Variants in SUSD6 observed in about 807,000 individuals in gnomAD.
SUSD6 encodes the protein sushi domain containing 6.
A neutral mutation model predicts 28.4 loss-of-function variants in SUSD6; 16 were observed. The observed-to-expected ratio is 0.56, with a 90% CI of 0.38 to 0.86. The LOEUF is 0.86. Ranked by LOEUF, SUSD6 falls within the 40% of genes least tolerant of loss-of-function variation. The pLI, the probability that SUSD6 is intolerant of heterozygous loss-of-function variation, is 0.00. For missense variants in SUSD6, 341 were observed against 384.2 expected (o/e 0.89, Z 0.94); for synonymous variants, 147 against 159.6 (o/e 0.92, Z 0.59).
chr14:69,670,624 G>A, intron 2 of SUSD6: 1 of 430,822 alleles, frequency 2.3e-6, no homozygotes, highest in South Asian at 1.6e-5. Context: ...GTAATTTTAA[G>A]CAAGTTTCTC....
At position 69,713,570 on chromosome 14, in the gene SUSD6, T is replaced by G. The variant is rs1467571293; in HGVS notation, c.*2591T>G. ...TCTAGGGCTTCTGGGCTTTGTCCCT[T>G]ACTGAGAGATTAGGGACTCCACAGC... On this transcript the variant is annotated 3_prime_UTR_variant, in exon 6 of 6. Coordinates refer to ENST00000342745, the MANE Select transcript of SUSD6 (RefSeq NM_014734.4). 6.6e-6 allele frequency: 1 copy of G among 152,272 alleles called. No individual in the cohort carries two copies. The highest frequency in any genetic ancestry group is 1.9e-4 in the East Asian group (1 of 5,206). 9.4% of individuals were successfully genotyped at this position (152,272 alleles called of 1,614,324 possible).
At chr14:69,642,034 G>A (rs1885360683) in intron 1 of SUSD6, among the ~76,000 whole-genome samples, 1 of 152,224 alleles carries the variant, frequency 6.6e-6, no homozygotes, top group Non-Finnish European at 1.5e-5. Flanking sequence ...GTCATTTCTT[G>A]ATCTGTTTCT....
At chr14:69,666,291 A>G (rs1216944866) in intron 2 of SUSD6, among the ~76,000 whole-genome samples, 1 of 152,174 alleles carries the variant, frequency 6.6e-6, no homozygotes, top group African/African-American at 2.4e-5. Flanking sequence ...AGATCAGCTA[A>G]GTGATCTCAC....
At position 69,712,563 on chromosome 14, in the gene SUSD6, G is replaced by C. The variant is rs1741381831; in HGVS notation, c.*1584G>C. ...CTCCCCTGAGCCTGTCTGCTTGGGG[G>C]TGGTAAAAATAAAAATCCCAGTTTA... On this transcript the variant is annotated 3_prime_UTR_variant, in exon 6 of 6. Transcript: ENST00000342745. 6.6e-6 allele frequency: 1 copy of C among 152,302 alleles called. No individual in the cohort carries two copies. The highest frequency in any genetic ancestry group is 2.1e-4 in the South Asian group (1 of 4,826). 9.4% of individuals were successfully genotyped at this position (152,302 alleles called of 1,614,324 possible).
intron 1 of SUSD6, among the ~76,000 whole-genome samples, chr14:69,638,097 CA>C (rs888751536): frequency 6.6e-6 from 1 of 151,902 alleles, no homozygotes; most frequent in Admixed American, 6.6e-5. Context: ...ACAGCAGCAG[CA>C]AAAAACAGAA....
At chr14:69,660,216 C>G (rs1453697928) in intron 2 of SUSD6, among the ~76,000 whole-genome samples, 1 of 152,174 alleles carries the variant, frequency 6.6e-6, no homozygotes, top group East Asian at 1.9e-4. Flanking sequence ...ACCCACTTAT[C>G]CAACATAAAC....
At chr14:69,650,941 G>C (rs1885495497) in intron 1 of SUSD6, among the ~76,000 whole-genome samples, 1 of 152,198 alleles carries the variant, frequency 6.6e-6, no homozygotes, top group Non-Finnish European at 1.5e-5. Flanking sequence ...AGATGTAGGG[G>C]AATGTGCTGC....
chr14:69,704,925 C>T lies in SUSD6; in HGVS notation c.458+183C>T, dbSNP rs111230810. Among the ~76,000 whole-genome samples, 278 of 152,284 alleles carry T rather than the reference C, an allele frequency of 1.8e-3. 2 individuals are homozygous for T. Among genetic ancestry groups the T allele is most frequent in the African/African-American group, 6.4e-3 (267 of 41,548 alleles). On this transcript the variant is annotated intron_variant, in intron 4 of 5. Coordinates refer to ENST00000342745, the MANE Select transcript of SUSD6 (RefSeq NM_014734.4). ...GCCTACCATTGTGCTTATTGCTTTG[C>T]ATACATTATCTTAATCCTCATAGGA...
chr14:69,696,906 AAG>A (rs1293765984), intron 2 of SUSD6, among the ~76,000 whole-genome samples: 1 of 152,242 alleles, frequency 6.6e-6, no homozygotes, highest in Non-Finnish European at 1.5e-5. Context: ...CAAGTTTATG[AAG>A]AGAGTAAAGG....
At chr14:69,693,504 G>A (rs1886181680) in intron 2 of SUSD6, among the ~76,000 whole-genome samples, 1 of 152,158 alleles carries the variant, frequency 6.6e-6, no homozygotes, top group South Asian at 2.1e-4. Flanking sequence ...TGCTTATCCT[G>A]CTCTGTTTTC....
At chr14:69,613,080 C>T (rs774724202) in intron 1 of SUSD6, among the ~76,000 whole-genome samples, 9 of 152,068 alleles carry the variant, frequency 5.9e-5, no homozygotes, top group Non-Finnish European at 1.3e-4. Flanking sequence ...TAAAATTTTC[C>T]TGGAGTTGGG....
At chr14:69,685,238 A>G (rs1886055579) in intron 2 of SUSD6, among the ~76,000 whole-genome samples, 1 of 152,232 alleles carries the variant, frequency 6.6e-6, no homozygotes, top group Non-Finnish European at 1.5e-5. Flanking sequence ...CAAATGGACT[A>G]GCCCTAAAGG....
intron 2 of SUSD6, among the ~76,000 whole-genome samples, chr14:69,689,872 G>A (rs1209355569): frequency 6.6e-6 from 1 of 152,154 alleles, no homozygotes; most frequent in African/African-American, 2.4e-5. Flanking sequence ...TACCATGTTG[G>A]CCAGGCTGAT....
At chr14:69,685,445 G>A (rs539700339) in intron 2 of SUSD6, among the ~76,000 whole-genome samples, 1 of 152,292 alleles carries the variant, frequency 6.6e-6, no homozygotes, top group South Asian at 2.1e-4. Context: ...ATAGAGTTCG[G>A]GGAAACCCAG....
In SUSD6 at chr14:69,613,557, C is replaced by G. The variant is rs146287587; in HGVS notation, c.-81+1729C>G. ...GTAGTTATGTGATACCGAATGTATG[C>G]CAGGCACTGTGCTAGGTATTGCAGG... On this transcript the variant is annotated intron_variant, in intron 1 of 5. Transcript: ENST00000342745. 7.3e-4 allele frequency among the ~76,000 whole-genome samples: 111 copies of G among 152,302 alleles called. 1 individual carries two copies. The South Asian group carries it at 0.015, about 21-fold the overall frequency.
At chr14:69,693,246 T>C (rs970931586) in intron 2 of SUSD6, among the ~76,000 whole-genome samples, 3 of 152,154 alleles carry the variant, frequency 2.0e-5, no homozygotes, top group Admixed American at 2.0e-4. Context: ...AGAATGGTCC[T>C]CTGGCCTGCC....
chr14:69,621,879 A>G (rs1043806761), intron 1 of SUSD6, among the ~76,000 whole-genome samples: 1 of 152,176 alleles, frequency 6.6e-6, no homozygotes, highest in Admixed American at 6.5e-5. Context: ...ACAAATGCTG[A>G]CATGCTTTTC....
chr14:69,661,490 C>T (rs1885659987), intron 2 of SUSD6, among the ~76,000 whole-genome samples: 1 of 152,192 alleles, frequency 6.6e-6, no homozygotes, highest in Non-Finnish European at 1.5e-5. Flanking sequence ...TGCTCCTTCC[C>T]TGCCACCCCA....
At position 69,679,159 on chromosome 14, in the gene SUSD6, G is replaced by T. The variant is rs569936894; in HGVS notation, c.121+20446G>T. Reference sequence around the variant, plus strand: ...TCCTCTCCCAATTTGTAGATTTTTTGAACTTTTCTTACGGCAGTGGTTTTC... The same window carrying T: ...TCCTCTCCCAATTTGTAGATTTTTTTAACTTTTCTTACGGCAGTGGTTTTC... On this transcript the variant is annotated intron_variant, in intron 2 of 5. Coordinates refer to ENST00000342745, the MANE Select transcript of SUSD6 (RefSeq NM_014734.4). Among the ~76,000 whole-genome samples, 629 of 152,116 alleles carry T rather than the reference G, an allele frequency of 4.1e-3. 2 individuals are homozygous for T. The highest frequency in any genetic ancestry group is 4.3e-3 in the Non-Finnish European group (290 of 67,990).
Sources: gnomAD v4.1 joint callset for allele counts (sites outside exome capture counted in the v4.1 genomes callset) on GRCh38, gnomAD v4.1.1 for gene constraint, MANE v1.5 for transcripts, NCBI Gene and HGNC (gene_info 2026-07-23, HGNC 2026-07-21) for gene names.